Variants in VWA3A observed in about 807,000 individuals in gnomAD.
VWA3A encodes von Willebrand factor A domain containing 3A.
Under a neutral mutation model 160.4 loss-of-function variants are expected in VWA3A, and 134 were observed. The observed-to-expected ratio is 0.84, with a 90% CI of 0.73 to 0.96. The LOEUF (loss-of-function observed/expected upper bound fraction) is 0.96, where lower values mean the gene tolerates loss of function less well. Ranked by LOEUF, VWA3A falls within the 40% of genes least tolerant of loss-of-function variation. The pLI is 0.00. For missense variants in VWA3A, 1,310 were observed against 1,447.9 expected, an observed-to-expected ratio of 0.90 and a Z score of 1.55; for synonymous variants, 476 against 543.4, an observed-to-expected ratio of 0.88 and a Z score of 1.72.
rs1332888509 is a variant in VWA3A, at chr16:22,096,845, C to A, written c.15-14C>A. On this transcript the variant is annotated splice_polypyrimidine_tract_variant and intron_variant, in intron 1 of 33. Coordinates refer to ENST00000389398, the MANE Select transcript of VWA3A (RefSeq NM_173615.5). ...CACATTTATCCTGTTTTCTGGTATT[C>A]TTTTCTTCTTTAGGAAAATAAGCAT... The A allele has an allele frequency of 2.0e-6, 3 of 1,511,808 alleles. No individual in the cohort carries two copies. The highest frequency in any genetic ancestry group is 2.5e-5 in the East Asian group (1 of 40,752). 93.6% of individuals were successfully genotyped at this position (1,511,808 alleles called of 1,614,324 possible). A position where few individuals can be genotyped will look rare whatever the true frequency, so the allele number is the denominator to read the frequency against.
intron 19 of VWA3A, among the ~76,000 whole-genome samples, chr16:22,132,244 G>A (rs938241143): frequency 3.3e-5 from 5 of 151,738 alleles, no homozygotes; most frequent in South Asian, 4.2e-4. Context: ...TTAGCTGGGC[G>A]TGGTGGCACA....
Position 22,109,491 on chromosome 16 carries a change from C to G in VWA3A, c.493C>G (p.Leu165Val). The G allele has an allele frequency of 6.2e-7, 1 of 1,602,044 alleles. No individual in the cohort carries two copies. Among genetic ancestry groups the G allele is most frequent in the Non-Finnish European group, 8.5e-7 (1 of 1,174,478 alleles). The change falls in exon 7 of 34, where the codon CTC (leucine) becomes GTC (valine). Residue 165 changes from leucine to valine, a missense_variant. Physicochemically the swap from Leu to Val is conservative, Grantham distance 32. Coordinates refer to ENST00000389398, the MANE Select transcript of VWA3A (RefSeq NM_173615.5). Reference protein sequence around the residue: ...LTENSKKAFGLIKGARVSILI... With the variant: ...LTENSKKAFGVIKGARVSILI... ...CCCTCTTTGGTTTTAGGCATTTGGC[C>G]TCATCAAAGGGGCCAGAGTCAGCAT...
chr16:22,153,478 C>G (rs1307417166), intron 31 of VWA3A, among the ~76,000 whole-genome samples: 1 of 152,182 alleles, frequency 6.6e-6, no homozygotes, highest in Admixed American at 6.5e-5. Context: ...CATTGAAATA[C>G]AGACATTCAA....
chr16:22,133,649 C>CA (rs1230000179), intron 20 of VWA3A, among the ~76,000 whole-genome samples: 40,966 of 81,920 alleles, frequency 0.5, 10,231 homozygotes, highest in East Asian at 0.75. Context: ...AACTCTGTCT[C>CA]AAAAAAAAAA....
chr16:22,127,205 C>T (rs1436728674), intron 17 of VWA3A, among the ~76,000 whole-genome samples: 1 of 151,958 alleles, frequency 6.6e-6, no homozygotes, highest in Non-Finnish European at 1.5e-5. Context: ...AAGTTCACTG[C>T]AGCCTCCTCC....
At chr16:22,116,732 T>C (rs11649657) in intron 9 of VWA3A, 27 bp from the exon 10 acceptor site, 1,561,875 of 1,580,970 alleles carry the variant, frequency 0.99, 772,780 homozygotes, top group Non-Finnish European at 1. Context: ...ACCTGGGATT[T>C]CCACTTCTCT....
chr16:22,150,309 G>A (rs2046326979), intron 29 of VWA3A, among the ~76,000 whole-genome samples: 1 of 152,158 alleles, frequency 6.6e-6, no homozygotes, highest in Admixed American at 6.5e-5. Context: ...GATGAAGCAG[G>A]AGAATTGCTT....
intron 11 of VWA3A, among the ~76,000 whole-genome samples, chr16:22,118,244 G>C (rs539006766): frequency 6.6e-6 from 1 of 152,132 alleles, no homozygotes; most frequent in Non-Finnish European, 1.5e-5. Flanking sequence ...TTGCACCACT[G>C]CACTCTAGCC....
intron 3 of VWA3A, among the ~76,000 whole-genome samples, chr16:22,099,866 G>A (rs1179469658): frequency 6.6e-6 from 1 of 152,180 alleles, no homozygotes; most frequent in Non-Finnish European, 1.5e-5. Flanking sequence ...CTTGAGGTCA[G>A]GAGTTTGAGA....
chr16:22,111,514 C>A lies in VWA3A; in HGVS notation c.689+520C>A, dbSNP rs565305355. Among the ~76,000 whole-genome samples the A allele has an allele frequency of 9.8e-4, 149 of 151,676 alleles. 7 individuals carry two copies. The South Asian group carries it at 0.029, about 30-fold the overall frequency. ...TTTTATTTATTTATTTAGACAGGGT[C>A]TCTGTTGCCTAGGCTGGAGTACAGT... On this transcript the variant is annotated intron_variant, in intron 8 of 33. Coordinates refer to ENST00000389398, the MANE Select transcript of VWA3A (RefSeq NM_173615.5).
At chr16:22,131,028 T>C (rs1207534580) in intron 17 of VWA3A, among the ~76,000 whole-genome samples, 177 bp from the exon 18 acceptor site, 1 of 152,194 alleles carries the variant, frequency 6.6e-6, no homozygotes, top group Non-Finnish European at 1.5e-5. Context: ...GGCTGAAGTA[T>C]GTTGGGACAT....
At chr16:22,115,507 A>T (rs559054673) in intron 9 of VWA3A, 35 bp downstream of exon 9, 1 of 1,574,980 alleles carries the variant, frequency 6.3e-7, no homozygotes, top group Non-Finnish European at 8.6e-7. Context: ...GACATACTAC[A>T]TGAAAAGGAC....
At chr16:22,145,656 T>A (rs2046236144) in intron 26 of VWA3A, among the ~76,000 whole-genome samples, 1 of 147,506 alleles carries the variant, frequency 6.8e-6, no homozygotes, top group Non-Finnish European at 1.5e-5. Flanking sequence ...AAAAAAAAAA[T>A]CAGAAATTAT....
chr16:22,126,198 T>C lies in VWA3A; in HGVS notation c.1553T>C (p.Ile518Thr). ...CEKRVVVLLD[I>T]SATNSMYIIH... is the part of the protein sequence containing the mutation. ...TTTAGGGTGGTTGTACTGCTCGATA[T>C]CTCTGCGACCAATTCCATGTACATT... The change falls in exon 17 of 34, where the codon ATC becomes ACC. Residue 518 changes from isoleucine (I) to threonine (T), a missense_variant. By Grantham distance (89) the Ile-to-Thr change is moderately conservative. Transcript: ENST00000389398. The C allele has an allele frequency of 6.2e-7, 1 of 1,613,928 alleles. No individual in the cohort carries two copies. Among genetic ancestry groups the C allele is most frequent in the Non-Finnish European group, 8.5e-7 (1 of 1,179,864 alleles).
intron 32 of VWA3A, 78 bp downstream of exon 32, chr16:22,155,742 C>T (rs968198889): frequency 1.5e-5 from 24 of 1,599,362 alleles, no homozygotes; most frequent in African/African-American, 5.4e-5. Flanking sequence ...CGAGAAGGGC[C>T]GCACCCATGA....
At position 22,116,814 on chromosome 16, in the gene VWA3A, A is replaced by G. The variant is rs768165696; in HGVS notation, c.871A>G (p.Arg291Gly). The G allele has an allele frequency of 4.0e-5, 64 of 1,613,430 alleles. 1 individual carries two copies. Among genetic ancestry groups the G allele is most frequent in the Non-Finnish European group, 6.8e-6 (8 of 1,179,876 alleles). The change falls in exon 10 of 34, where the codon AGA becomes GGA. Residue 291 changes from arginine (R) to glycine (G), a missense_variant. Physicochemically the swap from Arg to Gly is moderately radical, Grantham distance 125 (BLOSUM62 -2). Transcript: ENST00000389398. ...CTACATCCAGCAGTCCACCATGGGA[A>G]GAGACCTCATCATCCACTTCATCAC... ...SDYIQQSTMG[R>G]DLIIHFITYR...
chr16:22,097,117 C>G (rs1208804439), intron 2 of VWA3A, among the ~76,000 whole-genome samples, 172 bp downstream of exon 2: 1 of 152,014 alleles, frequency 6.6e-6, no homozygotes, highest in Non-Finnish European at 1.5e-5. Context: ...AGGTGCCCAC[C>G]ATCATACCCA....
At chr16:22,135,501 T>C (rs1243988717) in intron 21 of VWA3A, among the ~76,000 whole-genome samples, 2 of 152,164 alleles carry the variant, frequency 1.3e-5, no homozygotes, top group African/African-American at 4.8e-5. Context: ...GGGTTCAGAC[T>C]TCAACATATC....
At chr16:22,139,363 C>A (rs2046102110) in intron 22 of VWA3A, among the ~76,000 whole-genome samples, 2 of 152,302 alleles carry the variant, frequency 1.3e-5, no homozygotes, top group South Asian at 4.1e-4. Flanking sequence ...CCGCCACACT[C>A]CAGTCGTGGC....
Sources: allele counts gnomAD v4.1 joint callset (sites outside exome capture counted in the v4.1 genomes callset), GRCh38; gene constraint gnomAD v4.1.1; transcripts MANE v1.5; gene names NCBI Gene and HGNC (gene_info 2026-07-23, HGNC 2026-07-21).